Variants in CDK11A observed in about 807,000 individuals in gnomAD.
CDK11A encodes the protein cyclin-dependent kinase 11A.
A neutral mutation model predicts 83.6 loss-of-function variants in CDK11A; 55 were observed. The ratio of observed to expected loss-of-function variants is 0.66; its 90% confidence interval spans 0.53 to 0.82. The LOEUF is 0.82. Among genes scored for constraint, CDK11A ranks in the 40% least tolerant of loss-of-function variants. CDK11A has a pLI of 0.00. For synonymous variants in CDK11A, 247 were observed against 302.7 expected, an observed-to-expected ratio of 0.82 and a Z score of 1.91; for missense variants, 564 against 810.1, an observed-to-expected ratio of 0.70 and a Z score of 3.69.
Position 1,702,633 on chromosome 1 carries a change from C to G in CDK11A, c.*274G>C. 1.9e-6 allele frequency: 1 copy of G among 523,402 alleles called. No individual in the cohort carries two copies. The highest frequency in any genetic ancestry group is 3.5e-6 in the Non-Finnish European group (1 of 285,704). The allele number at this position is 523,402 out of a possible 1,614,324, so 32.4% of individuals were successfully genotyped here. On this transcript the variant is annotated 3_prime_UTR_variant, in exon 20 of 20. Coordinates refer to ENST00000404249, the MANE Select transcript of CDK11A (RefSeq NM_024011.4). ...TTCCAAATCACGGCCCAGCCAGCCC[C>G]GTGCGTGTCGAGAGTGGGAGAGGGT...
At chr1:1,704,368 G>A in intron 14 of CDK11A, 24 bp from the exon 15 acceptor site, 2 of 1,606,412 alleles carry the variant, frequency 1.2e-6, no homozygotes, top group African/African-American at 1.3e-5. Flanking sequence ...AGGCTCCCAT[G>A]TGGACCCGGC....
rs1050033674 is a variant in CDK11A at position 1,708,585 on chromosome 1, G to A, written c.1003+209C>T. Among the ~76,000 whole-genome samples the A allele has an allele frequency of 3.8e-5, 5 of 132,208 alleles. 1 individual carries two copies. Among genetic ancestry groups the A allele is most frequent in the Non-Finnish European group, 8.5e-5 (5 of 59,120 alleles). The allele number at this position is 132,208 out of a possible 152,430, so 86.7% of individuals were successfully genotyped here. ...GAACCCGGGAGGCAGAGGTTGCAGT[G>A]AGCCGAGATCATGCCACTGCACTCC... is the stretch of plus-strand genomic sequence containing the variant. On this transcript the variant is annotated intron_variant, in intron 9 of 19. Coordinates refer to ENST00000404249, the MANE Select transcript of CDK11A (RefSeq NM_024011.4).
intron 4 of CDK11A, among the ~76,000 whole-genome samples, chr1:1,717,779 T>C (rs1345123198): frequency 1.3e-5 from 2 of 149,176 alleles, no homozygotes; most frequent in Non-Finnish European, 3.0e-5. Context: ...CAGCTAGAGT[T>C]TGCTCTCTCT....
chr1:1,723,488 CAAAAAAAAAAAAAAAA>C (rs768913380), intron 1 of CDK11A, among the ~76,000 whole-genome samples: 4 of 20,628 alleles, frequency 1.9e-4, no homozygotes, highest in African/African-American at 3.8e-4. Context: ...GACCCCGTCT[CAAAAAAAAAAAAAAAA>C]AAAAAAAAAA....
chr1:1,705,265 T>A (rs1248207079), intron 12 of CDK11A, among the ~76,000 whole-genome samples: 1 of 115,576 alleles, frequency 8.7e-6, no homozygotes. Flanking sequence ...CCACCTGGGA[T>A]CCCAGCGGCC....
At chr1:1,706,488 C>G (rs113642628) in intron 11 of CDK11A, among the ~76,000 whole-genome samples, 27,752 of 150,890 alleles carry the variant, frequency 0.18, 4,971 homozygotes, top group African/African-American at 0.44. Context: ...GGTGGAGGCT[C>G]CAGTGAGCTA....
intron 11 of CDK11A, among the ~76,000 whole-genome samples, chr1:1,706,783 G>A (rs1470565348): frequency 1.3e-5 from 2 of 150,798 alleles, no homozygotes; most frequent in African/African-American, 4.9e-5. Context: ...GCGCTCACAA[G>A]GCATAGGGCA....
chr1:1,717,964 T>C (rs1644740080), intron 4 of CDK11A, among the ~76,000 whole-genome samples: 1 of 150,040 alleles, frequency 6.7e-6, no homozygotes, highest in South Asian at 2.1e-4. Flanking sequence ...TTCTGAATGG[T>C]CTGTGACACA....
chr1:1,721,135 G>A (rs553898367), intron 3 of CDK11A, among the ~76,000 whole-genome samples: 2 of 150,648 alleles, frequency 1.3e-5, no homozygotes, highest in Admixed American at 6.6e-5. Context: ...GGAGCTTGCA[G>A]TGAGCCGAGA....
chr1:1,720,310 G>A lies in CDK11A; in HGVS notation c.228-855C>T, dbSNP rs575122603. Among the ~76,000 whole-genome samples, 18 of 150,118 alleles carry A rather than the reference G, an allele frequency of 1.2e-4. 1 individual carries two copies. The highest frequency in any genetic ancestry group is 2.0e-4 in the Admixed American group (3 of 15,012). On this transcript the variant is annotated intron_variant, in intron 3 of 19. Transcript: ENST00000404249. ...GACGGAGTTTCACTGTGTTAGCCAG[G>A]GTGGTCTCGATCTCCTGACCTTGTG... is the stretch of plus-strand genomic sequence containing the variant.
chr1:1,703,995 G>A (rs1557778424), intron 16 of CDK11A, 44 bp downstream of exon 16: 11 of 1,605,394 alleles, frequency 6.9e-6, no homozygotes, highest in Non-Finnish European at 6.8e-6. Flanking sequence ...GCTGTGGGAG[G>A]CTGCATGGGG....
At position 1,719,363 on chromosome 1, in the gene CDK11A, T is replaced by C. The variant is rs1238991773; in HGVS notation, c.320A>G (p.Glu107Gly). ...TGAATGGCTATGATGCCTACATTTTTCTTTTCTCTTTTCATCTTTTCTGTG... is the reference window on the plus strand; with the variant it reads ...TGAATGGCTATGATGCCTACATTTTCCTTTTCTCTTTTCATCTTTTCTGTG... ...VHHRKDEKRK[E>G]KCRHHSHSAE... The change falls in exon 4 of 20, where the codon GAA becomes GGA. Residue 107 changes from glutamate to glycine, a missense_variant. Coordinates refer to ENST00000404249, the MANE Select transcript of CDK11A (RefSeq NM_024011.4). 1 of 1,534,936 alleles carries C rather than the reference T, an allele frequency of 6.5e-7. No individual in the cohort carries two copies. The highest frequency in any genetic ancestry group is 2.3e-5 in the Admixed American group (1 of 43,178).
intron 3 of CDK11A, among the ~76,000 whole-genome samples, chr1:1,721,109 T>C (rs1018844740): frequency 1.3e-5 from 2 of 150,390 alleles, no homozygotes; most frequent in African/African-American, 4.9e-5. Flanking sequence ...AGGAGAATGG[T>C]GTGAACCAGG....
rs1439925502 is a variant in CDK11A at position 1,717,712 on chromosome 1, C to T, written c.356-1234G>A. Among the ~76,000 whole-genome samples, 27 of 140,432 alleles carry T rather than the reference C, an allele frequency of 1.9e-4. 2 individuals are homozygous for T. In the Admixed American group the frequency reaches 2.0e-3, roughly 10 times the overall value. 92.1% of individuals were successfully genotyped at this position (140,432 alleles called of 152,430 possible). A position where few individuals can be genotyped will look rare whatever the true frequency, so the allele number is the denominator to read the frequency against. On this transcript the variant is annotated intron_variant, in intron 4 of 19. Coordinates refer to ENST00000404249, the MANE Select transcript of CDK11A (RefSeq NM_024011.4). ...TCGGTCTGTGACACACGCACACTTT[C>T]AGCTGGAGTATCCTCTCTATAGCCC...
intron 14 of CDK11A, 33 bp downstream of exon 14, chr1:1,704,517 G>C (rs1472275439): frequency 1.3e-6 from 2 of 1,595,546 alleles, no homozygotes; most frequent in Non-Finnish European, 1.7e-6. Flanking sequence ...GCCCCCACTT[G>C]TACGCAGACA....
rs556452127 is a variant in CDK11A at position 1,703,806 on chromosome 1, C to T, written c.1911+18G>A. On this transcript the variant is annotated intron_variant, in intron 17 of 19. Transcript: ENST00000404249. ...TCCTCTGAAATCCATAGCGCACCTG[C>T]GGCAGGGCCAGACCCACCTTGAACA... 54 of 1,608,666 alleles carry T rather than the reference C, an allele frequency of 3.4e-5. 4 individuals carry two copies. The highest frequency in any genetic ancestry group is 4.3e-5 in the Non-Finnish European group (51 of 1,176,434).
Position 1,703,882 on chromosome 1 carries a change from G to C in CDK11A, c.1853C>G (p.Thr618Ser). The part of the protein sequence containing the change: ...SVGCIFGELL[T>S]QKPLFPGNSE... ...ATTCCCGGGGAACAGAGGCTTCTGA[G>C]TCAGCAGCTCCCCGAAGATGCAGCC... Residue 618 changes from threonine to serine, a missense_variant, in exon 17 of 20, where the codon ACT (threonine) becomes AGT (serine). Coordinates refer to ENST00000404249, the MANE Select transcript of CDK11A (RefSeq NM_024011.4). The C allele has an allele frequency of 6.2e-7, 1 of 1,609,830 alleles. No individual in the cohort carries two copies. Among genetic ancestry groups the C allele is most frequent in the Non-Finnish European group, 8.5e-7 (1 of 1,177,002 alleles).
Position 1,721,689 on chromosome 1 carries a change from C to T in CDK11A, c.134G>A (p.Arg45Gln), listed in dbSNP as rs748452843. ...CAGCTCCCCCTCCTCAAGGGAATCC[C>T]GCTTGGAATCCCGGTCATCAGACTA... ...LKNSDDRDSK[R>Q]DSLEEGELRD... Residue 45 changes from arginine (R) to glutamine (Q), a missense_variant, in exon 3 of 20, where the codon CGG becomes CAG. Arg to Gln is a conservative substitution (Grantham distance 43). This residue lies in a region of CDK11A where 28 missense variants were observed against 54.8 expected (regional missense o/e 0.51). Coordinates refer to ENST00000404249, the MANE Select transcript of CDK11A (RefSeq NM_024011.4). The T allele has an allele frequency of 8.8e-6, 14 of 1,588,216 alleles. No individual in the cohort carries two copies. The highest frequency in any genetic ancestry group is 4.0e-5 in the African/African-American group (3 of 74,250).
Position 1,714,403 on chromosome 1 carries a change from A to T in CDK11A, c.488+1943T>A, listed in dbSNP as rs184878934. Among the ~76,000 whole-genome samples the T allele has an allele frequency of 3.7e-3, 176 of 47,626 alleles. 2 individuals carry two copies. The highest frequency in any genetic ancestry group is 6.6e-3 in the African/African-American group (169 of 25,424). 31.2% of individuals were successfully genotyped at this position (47,626 alleles called of 152,430 possible). A position where few individuals can be genotyped will look rare whatever the true frequency, so the allele number is the denominator to read the frequency against. On this transcript the variant is annotated intron_variant, in intron 5 of 19. Transcript: ENST00000404249. The stretch of plus-strand genomic sequence containing the variant: ...TAAATTCAACATCTGGACACTCAAG[A>T]CAGTTTCTACTGATGATGTTCTTCC...
Sources: gnomAD v4.1 joint callset for allele counts (sites outside exome capture counted in the v4.1 genomes callset) on GRCh38, gnomAD v4.1.1 for gene constraint, gnomAD v4.1.1 regional missense constraint, MANE v1.5 for transcripts, NCBI Gene and HGNC (gene_info 2026-07-23, HGNC 2026-07-21) for gene names.